The following TRAF3 variants were observed in gnomAD, a reference collection of about 807,000 sequenced individuals.
TRAF3 encodes TNF receptor-associated factor 3.
In TRAF3, 13 loss-of-function variants were observed where a neutral mutation model predicts 62.3. That is an observed-to-expected ratio of 0.21 (90% confidence interval 0.14 to 0.33). The LOEUF (loss-of-function observed/expected upper bound fraction) is 0.33. TRAF3 is among the 10% of genes least tolerant of loss of function. TRAF3 has a pLI of 1.00. For missense variants in TRAF3, 440 were observed against 741.8 expected (o/e 0.59, Z 4.73); for synonymous variants, 269 against 283.4 (o/e 0.95, Z 0.51).
intron 2 of TRAF3, among the ~76,000 whole-genome samples, chr14:102,830,688 T>C (rs1900626635): frequency 6.6e-6 from 1 of 152,190 alleles, no homozygotes; most frequent in South Asian, 2.1e-4. Context: ...TAACGCTGTG[T>C]GCTGTGATGA....
intron 11 of TRAF3, among the ~76,000 whole-genome samples, chr14:102,904,745 G>A (rs903239921): frequency 1.3e-5 from 2 of 150,794 alleles, no homozygotes; most frequent in African/African-American, 4.9e-5. Context: ...GGGAGGCGGA[G>A]CTTGCAGTGA....
At chr14:102,900,180 GAAAAAAAAAAAAA>G (rs56203426) in intron 10 of TRAF3, among the ~76,000 whole-genome samples, 1 of 91,446 alleles carries the variant, frequency 1.1e-5, no homozygotes, top group Non-Finnish European at 2.1e-5. Context: ...CTCCGTCTCG[GAAAAAAAAAAAAA>G]AAAAAAAAAA....
chr14:102,796,674 C>T (rs1409821984), intron 1 of TRAF3, among the ~76,000 whole-genome samples: 1 of 152,178 alleles, frequency 6.6e-6, no homozygotes, highest in Admixed American at 6.5e-5. Flanking sequence ...AGCCCCTGGT[C>T]GATGCCCCGG....
At chr14:102,897,221 A>T (rs1184773994) in intron 9 of TRAF3, 40 bp from the exon 10 acceptor site, 1 of 1,580,238 alleles carries the variant, frequency 6.3e-7, no homozygotes. Context: ...TAATATGAAA[A>T]CCACTTTTGG....
At chr14:102,819,049 T>C (rs1595324090) in intron 1 of TRAF3, among the ~76,000 whole-genome samples, 3 of 145,496 alleles carry the variant, frequency 2.1e-5, no homozygotes, top group African/African-American at 7.6e-5. Context: ...AGCAAGACTC[T>C]GTCTCTAAAA....
intron 1 of TRAF3, 79 bp downstream of exon 1, chr14:102,777,754 T>G: frequency 7.0e-6 from 1 of 142,978 alleles, no homozygotes; most frequent in South Asian, 2.1e-4. Context: ...TCCCGCGCCC[T>G]GGGCGGCGGG....
At chr14:102,788,549 C>T (rs895896979) in intron 1 of TRAF3, among the ~76,000 whole-genome samples, 13 of 152,078 alleles carry the variant, frequency 8.5e-5, no homozygotes, top group Non-Finnish European at 1.3e-4. Flanking sequence ...CCTGTAATCC[C>T]AGCACTTTGG....
At chr14:102,852,094 T>C (rs1004833044) in intron 2 of TRAF3, among the ~76,000 whole-genome samples, 1 of 151,860 alleles carries the variant, frequency 6.6e-6, no homozygotes, top group African/African-American at 2.4e-5. Context: ...AGAAAAGAAA[T>C]TACCTCAAAA....
chr14:102,902,995 T>C, intron 10 of TRAF3: 1 of 528,482 alleles, frequency 1.9e-6, no homozygotes, highest in Non-Finnish European at 3.4e-6. Context: ...CAAGCTGACT[T>C]AGTGGAGCCT....
At position 102,909,407 on chromosome 14, in the gene TRAF3, C is replaced by G. The variant is rs1048899543; in HGVS notation, c.*3623C>G. On this transcript the variant is annotated 3_prime_UTR_variant, in exon 12 of 12. Transcript: ENST00000392745. The stretch of plus-strand genomic sequence containing the variant: ...ACCACCCCTTCCTCCCCAGAGCAGT[C>G]TCTGCCGAGGGACAGCACCTGTGTC... 2 of 152,422 alleles carry G rather than the reference C, an allele frequency of 1.3e-5. No homozygotes were observed. Among genetic ancestry groups the G allele is most frequent in the African/African-American group, 4.8e-5 (2 of 41,458 alleles). 9.4% of individuals were successfully genotyped at this position (152,422 alleles called of 1,614,324 possible).
intron 1 of TRAF3, among the ~76,000 whole-genome samples, chr14:102,779,986 T>C (rs1897206904): frequency 6.6e-6 from 1 of 152,208 alleles, no homozygotes; most frequent in Non-Finnish European, 1.5e-5. Flanking sequence ...TGCTGCTGCT[T>C]TGCGAGTGTT....
At chr14:102,878,276 C>T (rs929160066) in intron 6 of TRAF3, among the ~76,000 whole-genome samples, 1 of 151,566 alleles carries the variant, frequency 6.6e-6, no homozygotes, top group African/African-American at 2.4e-5. Flanking sequence ...AGAGAGACAG[C>T]TTCTCATACT....
At chr14:102,802,635 T>G (rs1434818869) in intron 1 of TRAF3, among the ~76,000 whole-genome samples, 4 of 151,280 alleles carry the variant, frequency 2.6e-5, no homozygotes, top group African/African-American at 9.7e-5. Context: ...AAGACCAGCC[T>G]GGCCAAGATG....
chr14:102,810,204 G>T (rs2139512213), intron 1 of TRAF3, among the ~76,000 whole-genome samples: 1 of 152,276 alleles, frequency 6.6e-6, no homozygotes, highest in Middle Eastern at 3.4e-3. Context: ...TAATGTTTGA[G>T]CAGGAGTTTT....
At chr14:102,870,513 T>C in intron 3 of TRAF3, 67 bp downstream of exon 3, 2 of 1,585,414 alleles carry the variant, frequency 1.3e-6, no homozygotes, top group South Asian at 2.3e-5. Context: ...TCTCCTTCAT[T>C]CGTTTCTCTA....
At chr14:102,851,465 C>T (rs1183238947) in intron 2 of TRAF3, among the ~76,000 whole-genome samples, 1 of 152,184 alleles carries the variant, frequency 6.6e-6, no homozygotes, top group Non-Finnish European at 1.5e-5. Flanking sequence ...CATCACAGGG[C>T]CGGGCGCAGT....
intron 3 of TRAF3, 38 bp from the exon 4 acceptor site, chr14:102,871,879 A>T (rs1314875792): frequency 6.2e-7 from 1 of 1,603,166 alleles, no homozygotes. Context: ...CAAGAAAGGG[A>T]CTTCCACTCT....
Position 102,889,568 on chromosome 14 carries a change from A to G in TRAF3, c.660A>G (p.Ala220=), listed in dbSNP as rs1889594394. 2 of 1,614,244 alleles carry G rather than the reference A, an allele frequency of 1.2e-6. No individual in the cohort carries two copies. Among genetic ancestry groups the G allele is most frequent in the Non-Finnish European group, 8.5e-7 (1 of 1,180,036 alleles). Residue 220 remains alanine, a synonymous_variant, in exon 8 of 12, where the codon GCA becomes GCG. Transcript: ENST00000392745. ...TCTCTTTCCCGTTGCAGTTGAGTGCACACTTGTCAGAGTGTGTCAATGCCC... is the reference window on the plus strand; with the variant it reads ...TCTCTTTCCCGTTGCAGTTGAGTGCGCACTTGTCAGAGTGTGTCAATGCCC... The part of the protein sequence containing the change: ...VQTLLRSELS[A]HLSECVNAPS...
intron 2 of TRAF3, among the ~76,000 whole-genome samples, chr14:102,856,233 A>G (rs535641745): frequency 1.3e-5 from 2 of 152,240 alleles, no homozygotes; most frequent in East Asian, 1.9e-4. Flanking sequence ...AAGAATGGCT[A>G]TTCCATAGGC....
Sources: allele counts gnomAD v4.1 joint callset (sites outside exome capture counted in the v4.1 genomes callset), GRCh38; gene constraint gnomAD v4.1.1; transcripts MANE v1.5; gene names NCBI Gene and HGNC (gene_info 2026-07-23, HGNC 2026-07-21).